The following PSMG2 variants were observed in gnomAD, a reference collection of about 807,000 sequenced individuals.
PSMG2 encodes the protein CD40 ligand-activated specific transcript 3.
PSMG2 carries 21 observed loss-of-function variants against 31.5 expected under a neutral mutation model. The ratio of observed to expected loss-of-function variants is 0.67; its 90% confidence interval spans 0.47 to 0.96. The LOEUF is 0.96. Ranked by LOEUF, PSMG2 falls within the 40% of genes least tolerant of loss-of-function variation. The pLI is 0.00. For synonymous variants in PSMG2, 120 were observed against 110.4 expected (o/e 1.09, Z -0.54); for missense variants, 318 against 321.2 (o/e 0.99, Z 0.08).
chr18:12,673,955 T>G (rs2039026123), intron 1 of PSMG2, among the ~76,000 whole-genome samples: 1 of 152,170 alleles, frequency 6.6e-6, no homozygotes. Flanking sequence ...GGTCAAGCTA[T>G]TCAAATTATA....
At chr18:12,669,415 A>G (rs1043870105) in intron 1 of PSMG2, among the ~76,000 whole-genome samples, 1 of 151,300 alleles carries the variant, frequency 6.6e-6, no homozygotes, top group Non-Finnish European at 1.5e-5. Flanking sequence ...CCTGGCCCCA[A>G]TTTTTTTTAT....
At chr18:12,720,785 G>GT in intron 5 of PSMG2, 102 bp downstream of exon 5, 3 of 1,186,568 alleles carry the variant, frequency 2.5e-6, no homozygotes, top group Non-Finnish European at 2.3e-6. Flanking sequence ...GGGTGACAGA[G>GT]CAAGACTCTG....
chr18:12,718,033 A>ATC (rs2040394984), intron 3 of PSMG2, among the ~76,000 whole-genome samples: 1 of 146,296 alleles, frequency 6.8e-6, no homozygotes. Flanking sequence ...TTTTTTGAGA[A>ATC]AGTTTCACTC....
At chr18:12,667,754 CTT>C (rs1392266291) in intron 1 of PSMG2, among the ~76,000 whole-genome samples, 4 of 119,784 alleles carry the variant, frequency 3.3e-5, no homozygotes, top group African/African-American at 1.2e-4. Flanking sequence ...GAGCAAGACT[CTT>C]TCTCAAAAAA....
intron 1 of PSMG2, among the ~76,000 whole-genome samples, chr18:12,703,548 A>T (rs2040224384): frequency 6.6e-6 from 1 of 152,226 alleles, no homozygotes; most frequent in South Asian, 2.1e-4. Context: ...AACTACTGAT[A>T]GGGCAATAAA....
chr18:12,678,878 C>G (rs2145005652), intron 1 of PSMG2: 1 of 152,992 alleles, frequency 6.5e-6, no homozygotes, highest in African/African-American at 2.4e-5. Context: ...ATTGCTTGAA[C>G]CCGGGAGGCG....
intron 1 of PSMG2, among the ~76,000 whole-genome samples, chr18:12,678,791 G>C (rs1330203790): frequency 6.6e-6 from 1 of 151,798 alleles, no homozygotes; most frequent in African/African-American, 2.4e-5. Context: ...CCCCGTCTCT[G>C]CTAAAAATAC....
At chr18:12,691,300 C>T in intron 1 of PSMG2, 2 of 1,051,516 alleles carry the variant, frequency 1.9e-6, no homozygotes, top group Non-Finnish European at 2.7e-6. Flanking sequence ...ATGAAATTTA[C>T]ACACATAACA....
intron 1 of PSMG2, 150 bp downstream of exon 1, chr18:12,703,314 C>A: frequency 1.1e-6 from 1 of 914,468 alleles, no homozygotes; most frequent in Non-Finnish European, 1.6e-6. Flanking sequence ...GAGGTTGTAG[C>A]CGGAGGCAGC....
intron 1 of PSMG2, among the ~76,000 whole-genome samples, chr18:12,666,931 AAT>A (rs1281447101): frequency 1.3e-5 from 2 of 152,120 alleles, no homozygotes; most frequent in Non-Finnish European, 2.9e-5. Context: ...TCTTATTCAT[AAT>A]GAGTTTAAAA....
At chr18:12,706,753 T>G in intron 2 of PSMG2, 32 bp downstream of exon 2, 1 of 1,552,596 alleles carries the variant, frequency 6.4e-7, no homozygotes, top group Non-Finnish European at 8.7e-7. Flanking sequence ...ATTTTTCCAC[T>G]ACAAAGTAGA....
intron 1 of PSMG2, among the ~76,000 whole-genome samples, chr18:12,694,385 G>C (rs2039875556): frequency 6.6e-6 from 1 of 152,144 alleles, no homozygotes; most frequent in East Asian, 1.9e-4. Context: ...ATCCCGGCAA[G>C]TCAGCAGATA....
At chr18:12,673,102 T>C in intron 1 of PSMG2, 2 of 1,033,216 alleles carry the variant, frequency 1.9e-6, no homozygotes, top group Non-Finnish European at 2.4e-6. Context: ...CTGATAACTG[T>C]AAACAAAGTA....
chr18:12,698,956 G>T (rs528412194), upstream of PSMG2: 2 of 1,471,244 alleles, frequency 1.4e-6, no homozygotes, highest in African/African-American at 1.4e-5. Flanking sequence ...TCAATTAAAT[G>T]ACAATTTATT....
intron 5 of PSMG2, chr18:12,724,036 A>C (rs1486615817): frequency 6.5e-6 from 1 of 153,316 alleles, no homozygotes; most frequent in Non-Finnish European, 1.5e-5. Flanking sequence ...AATGCTTAAC[A>C]CATAATAACC....
At chr18:12,689,195 G>A (rs1377072658) in intron 1 of PSMG2, among the ~76,000 whole-genome samples, 4 of 152,120 alleles carry the variant, frequency 2.6e-5, no homozygotes, top group Non-Finnish European at 4.4e-5. Context: ...GTATATTAAC[G>A]TTTTGATTTA....
intron 1 of PSMG2, among the ~76,000 whole-genome samples, chr18:12,704,531 G>C (rs2040242417): frequency 6.6e-6 from 1 of 152,212 alleles, no homozygotes; most frequent in South Asian, 2.1e-4. Context: ...AGAGGCTGCA[G>C]TGAGCTGAAA....
At chr18:12,712,983 G>A (rs889251963) in intron 3 of PSMG2, among the ~76,000 whole-genome samples, 3 of 152,110 alleles carry the variant, frequency 2.0e-5, no homozygotes, top group African/African-American at 7.2e-5. Context: ...CATATTTTCA[G>A]TTCGGGTAGC....
At chr18:12,697,012 A>G (rs1699555630) in intron 1 of PSMG2, among the ~76,000 whole-genome samples, 1 of 152,216 alleles carries the variant, frequency 6.6e-6, no homozygotes, top group Non-Finnish European at 1.5e-5. Flanking sequence ...TTCTCCTAAG[A>G]CAAGGTCAGA....
Sources: gnomAD v4.1 joint callset for allele counts (sites outside exome capture counted in the v4.1 genomes callset) on GRCh38, gnomAD v4.1.1 for gene constraint, MANE v1.5 for transcripts, NCBI Gene and HGNC (gene_info 2026-07-23, HGNC 2026-07-21) for gene names.